Variants in ME3 observed in about 807,000 individuals in gnomAD.
The protein encoded by ME3 is NADP-dependent malic enzyme, mitochondrial.
A neutral mutation model predicts 68.9 loss-of-function variants in ME3; 48 were observed. That is an observed-to-expected ratio of 0.70 (90% CI 0.55 to 0.89). The LOEUF is 0.89. ME3 is among the 40% of genes least tolerant of loss of function. ME3 has a pLI of 0.00. For missense variants in ME3, 675 were observed against 797.4 expected, an observed-to-expected ratio of 0.85 and a Z score of 1.85; for synonymous variants, 320 against 318.8, an observed-to-expected ratio of 1.00 and a Z score of -0.04.
At chr11:86,658,042 T>C (rs1946024122) in intron 2 of ME3, among the ~76,000 whole-genome samples, 1 of 152,136 alleles carries the variant, frequency 6.6e-6, no homozygotes. Flanking sequence ...AACCTCAGGA[T>C]ATGCCTCATA....
intron 2 of ME3, among the ~76,000 whole-genome samples, chr11:86,591,994 T>A (rs1959091022): frequency 6.6e-6 from 1 of 152,142 alleles, no homozygotes; most frequent in African/African-American, 2.4e-5. Context: ...GTCTGCAGTG[T>A]TTTGTTATGG....
At chr11:86,444,256 G>A (rs1401495527) in intron 13 of ME3, among the ~76,000 whole-genome samples, 1 of 152,134 alleles carries the variant, frequency 6.6e-6, no homozygotes, top group African/African-American at 2.4e-5. Context: ...AGGTGAGAGA[G>A]AGCATGGACA....
intron 2 of ME3, among the ~76,000 whole-genome samples, chr11:86,638,273 C>T (rs1212564953): frequency 6.6e-6 from 1 of 152,252 alleles, no homozygotes; most frequent in East Asian, 1.9e-4. Flanking sequence ...ACAGGGAGTG[C>T]AGCATGCCTG....
chr11:86,663,947 G>A (rs774208120), intron 2 of ME3, among the ~76,000 whole-genome samples: 56 of 152,222 alleles, frequency 3.7e-4, no homozygotes, highest in Non-Finnish European at 7.6e-4. Flanking sequence ...TGCTGCTGAC[G>A]TAATCTAGAT....
intron 2 of ME3, among the ~76,000 whole-genome samples, chr11:86,608,627 G>A (rs1043475104): frequency 1.3e-5 from 2 of 152,128 alleles, no homozygotes; most frequent in African/African-American, 4.8e-5. Context: ...ATGTCCAGAG[G>A]GCAGTCAAGA....
chr11:86,621,380 T>C (rs535529036), intron 2 of ME3, among the ~76,000 whole-genome samples: 2 of 150,740 alleles, frequency 1.3e-5, no homozygotes, highest in Non-Finnish European at 2.9e-5. Flanking sequence ...ACTTTTTTGC[T>C]CCTCAGTCTT....
intron 2 of ME3, among the ~76,000 whole-genome samples, chr11:86,598,265 C>G (rs79253655): frequency 5.3e-5 from 8 of 152,186 alleles, no homozygotes; most frequent in Non-Finnish European, 1.2e-4. Context: ...GCTTTTCCGA[C>G]GGGCTTAGGA....
At chr11:86,546,061 G>A (rs960708938) in intron 4 of ME3, among the ~76,000 whole-genome samples, 1 of 152,172 alleles carries the variant, frequency 6.6e-6, no homozygotes, top group African/African-American at 2.4e-5. Flanking sequence ...ACAAGCAATG[G>A]GGAAAGGATT....
Position 86,593,713 on chromosome 11 carries a change from A to T in ME3, c.184-33890T>A, listed in dbSNP as rs150845877. ...CTATCTTTTTTCTATGCTTAAAAAA[A>T]TTTTATTTAAACAAACTTGAGATCA... On this transcript the variant is annotated intron_variant, in intron 2 of 14. Transcript: ENST00000543262. 6.4e-3 allele frequency among the ~76,000 whole-genome samples: 942 copies of T among 146,868 alleles called. 100 individuals are homozygous for T. Among genetic ancestry groups the T allele is most frequent in the African/African-American group, 0.02 (789 of 39,944 alleles).
chr11:86,475,255 G>T (rs943863958), intron 7 of ME3, among the ~76,000 whole-genome samples: 3 of 152,084 alleles, frequency 2.0e-5, no homozygotes, highest in Admixed American at 6.5e-5. Context: ...GTTGTCATGA[G>T]GTCTGGTTGT....
chr11:86,476,812 G>A (rs1220168249), intron 7 of ME3, among the ~76,000 whole-genome samples: 1 of 152,146 alleles, frequency 6.6e-6, no homozygotes, highest in Non-Finnish European at 1.5e-5. Context: ...ATCACACCTA[G>A]GGCTGTTTCA....
At chr11:86,556,420 A>G (rs2139442695) in intron 4 of ME3, 133 bp downstream of exon 4, 1 of 1,119,486 alleles carries the variant, frequency 8.9e-7, no homozygotes, top group African/African-American at 1.6e-5. Context: ...GCTTGAAATC[A>G]AATGTCTTTT....
At chr11:86,662,341 G>C (rs1325612740) in intron 2 of ME3, among the ~76,000 whole-genome samples, 1 of 152,198 alleles carries the variant, frequency 6.6e-6, no homozygotes, top group Non-Finnish European at 1.5e-5. Flanking sequence ...AACAATAACA[G>C]TGTCTGAGAG....
chr11:86,464,316 T>C lies in ME3; in HGVS notation c.919+775A>G, dbSNP rs552705511. Among the ~76,000 whole-genome samples, 57 of 152,374 alleles carry C rather than the reference T, an allele frequency of 3.7e-4. 2 individuals are homozygous for C. The South Asian group carries it at 0.012, about 32-fold the overall frequency. ...TGCTAGGAACAGCTCACAGTGCTCC[T>C]TCCTGTGCACTTCTAGATCAAGTGA... is the stretch of plus-strand genomic sequence containing the variant. On this transcript the variant is annotated intron_variant, in intron 8 of 14. Transcript: ENST00000543262.
At chr11:86,444,042 A>G (rs1282982396) in intron 13 of ME3, among the ~76,000 whole-genome samples, 1 of 152,176 alleles carries the variant, frequency 6.6e-6, no homozygotes, top group African/African-American at 2.4e-5. Flanking sequence ...CTTTTCTCTT[A>G]TGGAGACTGG....
intron 2 of ME3, among the ~76,000 whole-genome samples, chr11:86,572,104 T>G (rs1957829294): frequency 6.6e-6 from 1 of 152,106 alleles, no homozygotes; most frequent in Admixed American, 6.5e-5. Flanking sequence ...GAACAAAGAA[T>G]GAATCTTTCT....
chr11:86,451,007 C>T lies in ME3; in HGVS notation c.920-609G>A, dbSNP rs145079522. 4.6e-3 allele frequency among the ~76,000 whole-genome samples: 708 copies of T among 152,342 alleles called. 5 individuals are homozygous for T. Among genetic ancestry groups the T allele is most frequent in the African/African-American group, 0.017 (688 of 41,576 alleles). ...GGCCTCACTGGGGATTCCTTAAGAGCAGCTGACCAAGGAGAAAAAACTTGG... is the reference window on the plus strand; with the variant it reads ...GGCCTCACTGGGGATTCCTTAAGAGTAGCTGACCAAGGAGAAAAAACTTGG... On this transcript the variant is annotated intron_variant, in intron 8 of 14. Transcript: ENST00000543262.
intron 2 of ME3, among the ~76,000 whole-genome samples, chr11:86,581,988 T>A (rs1431923243): frequency 6.6e-6 from 1 of 152,266 alleles, no homozygotes; most frequent in Non-Finnish European, 1.5e-5. Context: ...TCACTCCTAC[T>A]GTTCTGCCCC....
chr11:86,549,450 T>TCTAAA (rs1956552323), intron 4 of ME3, among the ~76,000 whole-genome samples: 7 of 152,250 alleles, frequency 4.6e-5, no homozygotes, highest in African/African-American at 1.7e-4. Context: ...GTCTAAACCA[T>TCTAAA]GGTATCCTTT....
Sources: allele counts gnomAD v4.1 joint callset (sites outside exome capture counted in the v4.1 genomes callset), GRCh38; gene constraint gnomAD v4.1.1; transcripts MANE v1.5; gene names NCBI Gene and HGNC (gene_info 2026-07-23, HGNC 2026-07-21).